Variants in INO80 observed in about 807,000 individuals in gnomAD.
INO80 encodes chromatin-remodeling ATPase INO80.
In INO80, 20 loss-of-function variants were observed where a neutral mutation model predicts 203.4. The ratio of observed to expected loss-of-function variants is 0.10; its 90% CI spans 0.07 to 0.14. INO80 has a LOEUF of 0.14. INO80 is among the 10% of genes least tolerant of loss of function. INO80 has a pLI of 1.00. For missense variants in INO80, 1,419 were observed against 1,914.4 expected, an observed-to-expected ratio of 0.74 and a Z score of 4.83; for synonymous variants, 726 against 685.2, an observed-to-expected ratio of 1.06 and a Z score of -0.93.
At chr15:41,083,791 A>G (rs770908032) in intron 7 of INO80, among the ~76,000 whole-genome samples, 13 of 152,078 alleles carry the variant, frequency 8.5e-5, no homozygotes, top group Non-Finnish European at 1.5e-4. Context: ...TATATGAAGT[A>G]TATGTGTAAG....
intron 29 of INO80, among the ~76,000 whole-genome samples, chr15:40,990,387 G>T (rs1328333432): frequency 6.6e-6 from 1 of 152,104 alleles, no homozygotes; most frequent in African/African-American, 2.4e-5. Flanking sequence ...CTGAGACAGG[G>T]TCTTGCTCTG....
chr15:41,045,040 T>TA lies in INO80; in HGVS notation c.2770dup (p.Tyr924LeufsTer31), dbSNP rs1566925822. On this transcript the variant is annotated frameshift_variant, in exon 24 of 36. Coordinates refer to ENST00000648947, the MANE Select transcript of INO80 (RefSeq NM_017553.3). LOFTEE classifies it high-confidence loss of function. ...CCAGGAGCGTAGCTGATGGAGCCTGTAGGAGGCTTTCAGAGACAGGAAAAG... is the reference window on the plus strand; with the variant it reads ...CCAGGAGCGTAGCTGATGGAGCCTGTAAGGAGGCTTTCAGAGACAGGAAAAG... 6.2e-7 allele frequency: 1 copy of TA among 1,609,986 alleles called. No individual in the cohort carries two copies. Among genetic ancestry groups the TA allele is most frequent in the Non-Finnish European group, 8.5e-7 (1 of 1,178,926 alleles).
At chr15:41,028,821 A>C (rs2140482422) in intron 24 of INO80, among the ~76,000 whole-genome samples, 1 of 152,184 alleles carries the variant, frequency 6.6e-6, no homozygotes, top group Middle Eastern at 3.4e-3. Context: ...GCACCATTGC[A>C]CTCCAGCTGG....
chr15:41,110,674 G>T (rs559333369), intron 1 of INO80, among the ~76,000 whole-genome samples: 2 of 152,218 alleles, frequency 1.3e-5, no homozygotes, highest in African/African-American at 4.8e-5. Flanking sequence ...CAAGTGATTT[G>T]CCTGCCTTGG....
intron 9 of INO80, among the ~76,000 whole-genome samples, chr15:41,077,154 A>C (rs1231597729): frequency 1.3e-5 from 2 of 150,106 alleles, no homozygotes; most frequent in Non-Finnish European, 3.0e-5. Flanking sequence ...TGATCCGCCC[A>C]CCTCGGCCTC....
intron 14 of INO80, 83 bp downstream of exon 14, chr15:41,069,487 T>G: frequency 1.3e-6 from 1 of 793,570 alleles, no homozygotes; most frequent in Non-Finnish European, 2.0e-6. Flanking sequence ...AAAACTGTTA[T>G]GAGTAATTAG....
chr15:41,110,149 T>C (rs1355107049), intron 1 of INO80, among the ~76,000 whole-genome samples: 1 of 151,606 alleles, frequency 6.6e-6, no homozygotes, highest in Non-Finnish European at 1.5e-5. Context: ...GCTTTCTGGA[T>C]TTTATTTTTA....
At chr15:41,086,582 T>TAG (rs747497910) in intron 6 of INO80, among the ~76,000 whole-genome samples, 69 of 148,330 alleles carry the variant, frequency 4.7e-4, no homozygotes, top group Non-Finnish European at 6.1e-4. Flanking sequence ...ACTCAGGAGG[T>TAG]AGAGGTTGCA....
intron 29 of INO80, among the ~76,000 whole-genome samples, chr15:40,988,529 T>C (rs975380530): frequency 2.0e-5 from 3 of 152,096 alleles, no homozygotes; most frequent in Non-Finnish European, 4.4e-5. Flanking sequence ...GAGGTTGCGG[T>C]GAGCTGAGAT....
At chr15:41,023,784 C>CGAAAAAAAGAAAAAAAAAAAAAAAAAAAA in intron 25 of INO80, among the ~76,000 whole-genome samples, 1 of 123,776 alleles carries the variant, frequency 8.1e-6, no homozygotes, top group African/African-American at 3.2e-5. Context: ...AAAAAAAAAA[C>CGAAAAAAAGAAAAAAAAAAAAAAAAAAAA]AAAACAAAAC....
Position 41,021,103 on chromosome 15 carries a change from G to A in INO80, c.3071C>T (p.Ser1024Phe), listed in dbSNP as rs2044287302. 1 of 1,613,852 alleles carries A rather than the reference G, an allele frequency of 6.2e-7. No individual in the cohort carries two copies. Among genetic ancestry groups the A allele is most frequent in the Admixed American group, 1.7e-5 (1 of 60,022 alleles). Residue 1024 changes from serine to phenylalanine, a missense_variant, in exon 26 of 36, where the codon TCT becomes TTT. Physicochemically the swap from Ser to Phe is radical, Grantham distance 155. Coordinates refer to ENST00000648947, the MANE Select transcript of INO80 (RefSeq NM_017553.3). ...TTCTGCACTTCGGTCATTGCAGTAA[G>A]AATCCAATGGCACTGCGGTAACCTG... Reference protein sequence around the residue: ...SPRVTAVPLDSYCNDRSAEYE... With the variant: ...SPRVTAVPLDFYCNDRSAEYE...
intron 1 of INO80, among the ~76,000 whole-genome samples, chr15:41,114,286 A>G (rs981707723): frequency 6.6e-6 from 1 of 151,042 alleles, no homozygotes; most frequent in African/African-American, 2.5e-5. Context: ...AAAAAAAAAA[A>G]CATTCATTTT....
rs142701064 is a variant in INO80, at chr15:40,982,893, G to A, written c.4422C>T (p.Ala1474=). The A allele has an allele frequency of 5.8e-5, 94 of 1,613,574 alleles. 1 individual carries two copies. The highest frequency in any genetic ancestry group is 7.6e-5 in the Non-Finnish European group (90 of 1,179,978). ...ACACGTTGTACCCGTATGCGGCATAGGCAGCTGCAGAGGCCGCTGCAGCCC... is the reference window on the plus strand; with the variant it reads ...ACACGTTGTACCCGTATGCGGCATAAGCAGCTGCAGAGGCCGCTGCAGCCC... ...KAGAAAASAA[A]YAAYGYNVSK... Residue 1474 remains alanine, a synonymous_variant, in exon 35 of 36, where the codon GCC becomes GCT. Transcript: ENST00000648947.
chr15:40,988,401 G>T (rs1245367330), intron 29 of INO80, among the ~76,000 whole-genome samples: 1 of 152,132 alleles, frequency 6.6e-6, no homozygotes, highest in Non-Finnish European at 1.5e-5. Flanking sequence ...TGTAGTTTAG[G>T]AGAATGAGGC....
chr15:41,039,154 CA>C (rs1390090110), intron 24 of INO80, among the ~76,000 whole-genome samples: 4 of 152,092 alleles, frequency 2.6e-5, no homozygotes, highest in Non-Finnish European at 4.4e-5. Context: ...CCAACTTTTT[CA>C]AAATTAGAGA....
Position 41,087,681 on chromosome 15 carries a change from A to G in INO80, c.539T>C (p.Leu180Ser). The G allele has an allele frequency of 6.2e-7, 1 of 1,609,524 alleles. No individual in the cohort carries two copies. The highest frequency in any genetic ancestry group is 8.5e-7 in the Non-Finnish European group (1 of 1,178,330). ...HQNKYSKDKE[L>S]QQYQYYSAGL... ...TGCACTGTAGTACTGATATTGCTGC[A>G]ACTGAAGCAGGCAAAGACCATGATG... Residue 180 changes from leucine (L) to serine (S), a missense_variant and splice_region_variant, in exon 6 of 36, where the codon TTG (leucine) becomes TCG (serine). Coordinates refer to ENST00000648947, the MANE Select transcript of INO80 (RefSeq NM_017553.3).
chr15:41,018,234 T>C (rs2140461483), intron 26 of INO80: 1 of 152,312 alleles, frequency 6.6e-6, no homozygotes, highest in South Asian at 2.1e-4. Flanking sequence ...AGATATACTC[T>C]CTTAGCACAA....
At chr15:41,072,085 GA>G (rs760170112) in intron 11 of INO80, 27 bp from the exon 12 acceptor site, 32,401 of 811,742 alleles carry the variant, frequency 0.04, 269 homozygotes, top group African/African-American at 0.14. Flanking sequence ...AAAAAAATTA[GA>G]AAAAAAAAAA....
At chr15:41,027,907 G>T in intron 24 of INO80, 171 bp from the exon 25 acceptor site, 2 of 428,752 alleles carry the variant, frequency 4.7e-6, no homozygotes. Context: ...TACAGTTGAA[G>T]CCCATGTTAA....
Sources: gnomAD v4.1 joint callset for allele counts (sites outside exome capture counted in the v4.1 genomes callset) on GRCh38, gnomAD v4.1.1 for gene constraint, MANE v1.5 for transcripts, NCBI Gene and HGNC (gene_info 2026-07-23, HGNC 2026-07-21) for gene names.